The following H2BC11 variants were observed in gnomAD, a reference collection of about 807,000 sequenced individuals.
The protein encoded by H2BC11 is H2B clustered histone 11.
Under a neutral mutation model 6.0 loss-of-function variants are expected in H2BC11, and 7 were observed. The ratio of observed to expected loss-of-function variants is 1.16; its 90% CI spans 0.66 to 2.19. H2BC11 has a LOEUF of 2.19. Among genes scored for constraint, H2BC11 ranks in the 30% most tolerant of loss-of-function variants. H2BC11 has a pLI of 0.00. For synonymous variants in H2BC11, 127 were observed against 72.0 expected (o/e 1.77, Z -3.87); for missense variants, 215 against 170.3 (o/e 1.26, Z -1.46).
chr6:27,132,652 G>A lies in H2BC11; in HGVS notation c.99C>T (p.Ser33=), dbSNP rs2113636162. 1.2e-6 allele frequency: 2 copies of A among 1,614,242 alleles called. No homozygotes were observed. The highest frequency in any genetic ancestry group is 1.7e-6 in the Non-Finnish European group (2 of 1,180,050). The part of the protein sequence containing the change: ...QKKDGKKRKR[S]RKESYSIYVY... ...CATAGATGGAATAGCTCTCCTTGCG[G>A]CTGCGCTTGCGCTTCTTGCCGTCTT... Residue 33 remains serine, a synonymous_variant, in exon 1 of 1, where the codon AGC becomes AGT. Coordinates refer to ENST00000339812, the MANE Select transcript of H2BC11 (RefSeq NM_021058.4).
Position 27,132,348 on chromosome 6 carries a change from G to A in H2BC11, c.*22C>T, listed in dbSNP as rs750912401. 5 of 1,613,762 alleles carry A rather than the reference G, an allele frequency of 3.1e-6. No homozygotes were observed. The African/African-American group carries it at 6.7e-5, about 22-fold the overall frequency. On this transcript the variant is annotated 3_prime_UTR_variant, in exon 1 of 1. Coordinates refer to ENST00000339812, the MANE Select transcript of H2BC11 (RefSeq NM_021058.4). The stretch of plus-strand genomic sequence containing the variant: ...CTCTTAAAAGAGCCGTTAGGGTTGA[G>A]AGTTTGCAACCAACTCACTGTTTAC...
chr6:27,132,360 A>C lies in H2BC11; in HGVS notation c.*10T>G, dbSNP rs2113635465. On this transcript the variant is annotated 3_prime_UTR_variant, in exon 1 of 1. Transcript: ENST00000339812. ...CCGTTAGGGTTGAGAGTTTGCAACC[A>C]ACTCACTGTTTACTTAGCGCTGGTG... 1 of 1,614,068 alleles carries C rather than the reference A, an allele frequency of 6.2e-7. No homozygotes were observed. The highest frequency in any genetic ancestry group is 1.6e-4 in the Middle Eastern group (1 of 6,062).
At position 27,132,756 on chromosome 6, in the gene H2BC11, T is replaced by TA. The variant is rs766873010; in HGVS notation, c.-7_-6insT. On this transcript the variant is annotated 5_prime_UTR_variant, in exon 1 of 1. Transcript: ENST00000339812. ...GACTTCGCTGGCTCTGGCATAGCAC[T>TA]GTGTAGCTATAAAGCGCCAACGAAA... The TA allele has an allele frequency of 8.1e-6, 13 of 1,609,662 alleles. No homozygotes were observed. Among genetic ancestry groups the TA allele is most frequent in the Non-Finnish European group, 1.1e-5 (13 of 1,178,810 alleles).
rs1297424724 is a variant in H2BC11 at position 27,132,716 on chromosome 6, T to A, written c.35A>T (p.Lys12Ile). ...PEPAKSAPAP[K>I]KGSKKAVTKA... ...AGTCACCGCCTTCTTGGAGCCCTTT[T>A]TCGGGGCGGGAGCAGACTTCGCTGG... The change falls in exon 1 of 1, where the codon AAA becomes ATA. Residue 12 changes from lysine to isoleucine, a missense_variant. Coordinates refer to ENST00000339812, the MANE Select transcript of H2BC11 (RefSeq NM_021058.4). 4.3e-6 allele frequency: 7 copies of A among 1,614,042 alleles called. No homozygotes were observed. Among genetic ancestry groups the A allele is most frequent in the Non-Finnish European group, 5.9e-6 (7 of 1,180,036 alleles).
chr6:27,132,576 C>A lies in H2BC11; in HGVS notation c.175G>T (p.Ala59Ser). The A allele has an allele frequency of 1.9e-6, 3 of 1,614,196 alleles. No homozygotes were observed. The highest frequency in any genetic ancestry group is 2.5e-6 in the Non-Finnish European group (3 of 1,180,036). Reference sequence around the variant, plus strand: ...ACAAACGAATTCATGATGCCCATGGCCTTGGACGAAATGCCGGTGTCAGGG... The same window carrying A: ...ACAAACGAATTCATGATGCCCATGGACTTGGACGAAATGCCGGTGTCAGGG... The part of the protein sequence containing the change: ...VHPDTGISSK[A>S]MGIMNSFVND... Residue 59 changes from alanine (A) to serine (S), a missense_variant, in exon 1 of 1, where the codon GCC (alanine) becomes TCC (serine). Transcript: ENST00000339812.
Position 27,132,747 on chromosome 6 carries a change from G to C in H2BC11, c.4C>G (p.Pro2Ala), listed in dbSNP as rs1203721682. M[P>A]EPAKSAPAPK... ...GCGGGAGCAGACTTCGCTGGCTCTG[G>C]CATAGCACTGTGTAGCTATAAAGCG... Residue 2 changes from proline (P) to alanine (A), a missense_variant, in exon 1 of 1, where the codon CCA (proline) becomes GCA (alanine). Physicochemically the swap from Pro to Ala is conservative, Grantham distance 27. Coordinates refer to ENST00000339812, the MANE Select transcript of H2BC11 (RefSeq NM_021058.4). The C allele has an allele frequency of 6.2e-7, 1 of 1,613,770 alleles. No individual in the cohort carries two copies. The highest frequency in any genetic ancestry group is 8.5e-7 in the Non-Finnish European group (1 of 1,179,956).
At position 27,132,390 on chromosome 6, in the gene H2BC11, T is replaced by G. The variant is rs1467734546; in HGVS notation, c.361A>C (p.Lys121Gln). 1 of 1,614,178 alleles carries G rather than the reference T, an allele frequency of 6.2e-7. No homozygotes were observed. Among genetic ancestry groups the G allele is most frequent in the Admixed American group, 1.7e-5 (1 of 60,028 alleles). The change falls in exon 1 of 1, where the codon AAG (lysine) becomes CAG (glutamine). Residue 121 changes from lysine to glutamine, a missense_variant. Lys to Gln is a moderately conservative substitution (Grantham distance 53). Coordinates refer to ENST00000339812, the MANE Select transcript of H2BC11 (RefSeq NM_021058.4). ...AVSEGTKAVT[K>Q]YTSAK The stretch of plus-strand genomic sequence containing the variant: ...ACTGTTTACTTAGCGCTGGTGTACT[T>G]GGTGACGGCCTTAGTACCCTCGGAC...
At position 27,132,619 on chromosome 6, in the gene H2BC11, C is replaced by G; in HGVS notation, c.132G>C (p.Lys44Asn). ...TGTCAGGGTGGACCTGCTTCAGAAC[C>G]TTGTACACATAGATGGAATAGCTCT... ...RKESYSIYVY[K>N]VLKQVHPDTG... Residue 44 changes from lysine to asparagine, a missense_variant, in exon 1 of 1, where the codon AAG becomes AAC. Transcript: ENST00000339812. 1.2e-6 allele frequency: 2 copies of G among 1,614,194 alleles called. No homozygotes were observed. The highest frequency in any genetic ancestry group is 1.7e-6 in the Non-Finnish European group (2 of 1,180,038).
chr6:27,132,731 G>C lies in H2BC11; in HGVS notation c.20C>G (p.Ser7Cys). Residue 7 changes from serine (S) to cysteine (C), a missense_variant, in exon 1 of 1, where the codon TCT (serine) becomes TGT (cysteine). Coordinates refer to ENST00000339812, the MANE Select transcript of H2BC11 (RefSeq NM_021058.4). ...GGAGCCCTTTTTCGGGGCGGGAGCA[G>C]ACTTCGCTGGCTCTGGCATAGCACT... The part of the protein sequence containing the change: MPEPAK[S>C]APAPKKGSKK... The C allele has an allele frequency of 6.2e-7, 1 of 1,614,116 alleles. No individual in the cohort carries two copies. Among genetic ancestry groups the C allele is most frequent in the Non-Finnish European group, 8.5e-7 (1 of 1,180,026 alleles).
Position 27,132,456 on chromosome 6 carries a change from C to A in H2BC11, c.295G>T (p.Val99Leu). ...AACTCCCCAGGCAGCAGCAGGCGCA[C>A]GGCCGTCTGGATCTCCCTGGAGGTG... ...TITSREIQTA[V>L]RLLLPGELAK... Residue 99 changes from valine to leucine, a missense_variant, in exon 1 of 1, where the codon GTG becomes TTG. Physicochemically the swap from Val to Leu is conservative, Grantham distance 32. Transcript: ENST00000339812. The A allele has an allele frequency of 2.5e-6, 4 of 1,614,224 alleles. No individual in the cohort carries two copies. The highest frequency in any genetic ancestry group is 3.4e-6 in the Non-Finnish European group (4 of 1,180,038).
rs1562022660 is a variant in H2BC11, at chr6:27,132,629, T to C, written c.122A>G (p.Tyr41Cys). The change falls in exon 1 of 1, where the codon TAT becomes TGT. Residue 41 changes from tyrosine (Y) to cysteine (C), a missense_variant. By Grantham distance (194) the Tyr-to-Cys change is radical. Coordinates refer to ENST00000339812, the MANE Select transcript of H2BC11 (RefSeq NM_021058.4). ...KRSRKESYSI[Y>C]VYKVLKQVHP... ...GACCTGCTTCAGAACCTTGTACACATAGATGGAATAGCTCTCCTTGCGGCT... is the reference window on the plus strand; with the variant it reads ...GACCTGCTTCAGAACCTTGTACACACAGATGGAATAGCTCTCCTTGCGGCT... The C allele has an allele frequency of 2.5e-6, 4 of 1,614,158 alleles. No homozygotes were observed. The highest frequency in any genetic ancestry group is 2.5e-6 in the Non-Finnish European group (3 of 1,180,028).
rs1440443806 is a variant in H2BC11, at chr6:27,132,407, C to T, written c.344G>A (p.Gly115Asp). Residue 115 changes from glycine to aspartate, a missense_variant, in exon 1 of 1, where the codon GGT becomes GAT. Transcript: ENST00000339812. The part of the protein sequence containing the change: ...GELAKHAVSE[G>D]TKAVTKYTSA... ...GGTGTACTTGGTGACGGCCTTAGTA[C>T]CCTCGGACACGGCGTGCTTGGCCAA... is the stretch of plus-strand genomic sequence containing the variant. 1.2e-6 allele frequency: 2 copies of T among 1,614,174 alleles called. No homozygotes were observed. Among genetic ancestry groups the T allele is most frequent in the Admixed American group, 3.3e-5 (2 of 60,016 alleles).
Position 27,132,752 on chromosome 6 carries a change from G to A in H2BC11, c.-2C>T, listed in dbSNP as rs200742374. On this transcript the variant is annotated 5_prime_UTR_variant, in exon 1 of 1. Coordinates refer to ENST00000339812, the MANE Select transcript of H2BC11 (RefSeq NM_021058.4). ...AGCAGACTTCGCTGGCTCTGGCATAGCACTGTGTAGCTATAAAGCGCCAAC... is the reference window on the plus strand; with the variant it reads ...AGCAGACTTCGCTGGCTCTGGCATAACACTGTGTAGCTATAAAGCGCCAAC... 17 of 1,612,250 alleles carry A rather than the reference G, an allele frequency of 1.1e-5. No homozygotes were observed. In the Middle Eastern group the frequency reaches 4.9e-4, roughly 47 times the overall value.
chr6:27,132,774 C>T lies in H2BC11; in HGVS notation c.-24G>A, dbSNP rs1210071752. 9 of 1,593,956 alleles carry T rather than the reference C, an allele frequency of 5.6e-6. No individual in the cohort carries two copies. The highest frequency in any genetic ancestry group is 6.0e-6 in the Non-Finnish European group (7 of 1,173,690). ...ATAGCACTGTGTAGCTATAAAGCGC[C>T]AACGAAAAGGAAAAACAGCGTGAGC... On this transcript the variant is annotated 5_prime_UTR_variant, in exon 1 of 1. Coordinates refer to ENST00000339812, the MANE Select transcript of H2BC11 (RefSeq NM_021058.4).
chr6:27,132,710 C>A lies in H2BC11; in HGVS notation c.41G>T (p.Gly14Val). The change falls in exon 1 of 1, where the codon GGC (glycine) becomes GTC (valine). Residue 14 changes from glycine to valine, a missense_variant. Transcript: ENST00000339812. ...CGCCTTAGTCACCGCCTTCTTGGAG[C>A]CCTTTTTCGGGGCGGGAGCAGACTT... ...PAKSAPAPKKGSKKAVTKAQK... is the reference protein window; with the variant it reads ...PAKSAPAPKKVSKKAVTKAQK... 1 of 1,614,176 alleles carries A rather than the reference C, an allele frequency of 6.2e-7. No individual in the cohort carries two copies. The highest frequency in any genetic ancestry group is 8.5e-7 in the Non-Finnish European group (1 of 1,180,036).
At position 27,132,694 on chromosome 6, in the gene H2BC11, C is replaced by T. The variant is rs1759859607; in HGVS notation, c.57G>A (p.Val19=). 1 of 1,614,242 alleles carries T rather than the reference C, an allele frequency of 6.2e-7. No homozygotes were observed. Among genetic ancestry groups the T allele is most frequent in the Non-Finnish European group, 8.5e-7 (1 of 1,180,052 alleles). ...PAPKKGSKKA[V]TKAQKKDGKK... ...TGCCGTCTTTCTTCTGCGCCTTAGT[C>T]ACCGCCTTCTTGGAGCCCTTTTTCG... Residue 19 remains valine, a synonymous_variant, in exon 1 of 1, where the codon GTG becomes GTA. Transcript: ENST00000339812.
Position 27,132,391 on chromosome 6 carries a change from G to A in H2BC11, c.360C>T (p.Thr120=). Residue 120 remains threonine, a synonymous_variant, in exon 1 of 1, where the codon ACC becomes ACT. Coordinates refer to ENST00000339812, the MANE Select transcript of H2BC11 (RefSeq NM_021058.4). ...HAVSEGTKAV[T]KYTSAK is the part of the protein sequence containing the mutation. Reference sequence around the variant, plus strand: ...CTGTTTACTTAGCGCTGGTGTACTTGGTGACGGCCTTAGTACCCTCGGACA... The same window carrying A: ...CTGTTTACTTAGCGCTGGTGTACTTAGTGACGGCCTTAGTACCCTCGGACA... The A allele has an allele frequency of 1.9e-6, 3 of 1,614,194 alleles. No homozygotes were observed. Among genetic ancestry groups the A allele is most frequent in the Non-Finnish European group, 2.5e-6 (3 of 1,180,042 alleles).
Position 27,132,404 on chromosome 6 carries a change from G to A in H2BC11, c.347C>T (p.Thr116Ile), listed in dbSNP as rs115254614. 6.2e-7 allele frequency: 1 copy of A among 1,614,176 alleles called. No individual in the cohort carries two copies. The highest frequency in any genetic ancestry group is 1.3e-5 in the African/African-American group (1 of 75,046). Residue 116 changes from threonine (T) to isoleucine (I), a missense_variant, in exon 1 of 1, where the codon ACT (threonine) becomes ATT (isoleucine). Coordinates refer to ENST00000339812, the MANE Select transcript of H2BC11 (RefSeq NM_021058.4). ...GCTGGTGTACTTGGTGACGGCCTTA[G>A]TACCCTCGGACACGGCGTGCTTGGC... ...ELAKHAVSEG[T>I]KAVTKYTSAK is the part of the protein sequence containing the mutation.
Position 27,132,691 on chromosome 6 carries a change from A to G in H2BC11, c.60T>C (p.Thr20=). The G allele has an allele frequency of 1.2e-6, 2 of 1,614,112 alleles. No homozygotes were observed. The highest frequency in any genetic ancestry group is 1.7e-6 in the Non-Finnish European group (2 of 1,180,026). The part of the protein sequence containing the change: ...APKKGSKKAV[T]KAQKKDGKKR... ...TCTTGCCGTCTTTCTTCTGCGCCTTAGTCACCGCCTTCTTGGAGCCCTTTT... is the reference window on the plus strand; with the variant it reads ...TCTTGCCGTCTTTCTTCTGCGCCTTGGTCACCGCCTTCTTGGAGCCCTTTT... The change falls in exon 1 of 1, where the codon ACT becomes ACC. Residue 20 remains threonine (T), a synonymous_variant. Transcript: ENST00000339812.
Sources: allele counts gnomAD v4.1 joint callset, GRCh38; gene constraint gnomAD v4.1.1; transcripts MANE v1.5; gene names NCBI Gene and HGNC (gene_info 2026-07-23, HGNC 2026-07-21).